OPCML: variants seen among roughly 807,000 people sequenced by gnomAD.
OPCML encodes the protein opioid binding protein/cell adhesion molecule like.
A neutral mutation model predicts 37.8 loss-of-function variants in OPCML; 13 were observed. The observed-to-expected ratio is 0.34, with a 90% CI of 0.22 to 0.55. The LOEUF (loss-of-function observed/expected upper bound fraction) is 0.55. Ranked by LOEUF, OPCML falls within the 20% of genes least tolerant of loss-of-function variation. The pLI is 0.91. For missense variants in OPCML, 341 were observed against 435.6 expected, an observed-to-expected ratio of 0.78 and a Z score of 1.93; for synonymous variants, 176 against 168.8, an observed-to-expected ratio of 1.04 and a Z score of -0.33.
At chr11:133,224,422 T>C (rs1024150068) in intron 1 of OPCML, among the ~76,000 whole-genome samples, 1 of 152,202 alleles carries the variant, frequency 6.6e-6, no homozygotes, top group African/African-American at 2.4e-5. Flanking sequence ...GTTCCGCTGT[T>C]CTTCAGCCTG....
chr11:132,879,370 C>G (rs1411526217), intron 2 of OPCML, among the ~76,000 whole-genome samples: 1 of 152,132 alleles, frequency 6.6e-6, no homozygotes, highest in Non-Finnish European at 1.5e-5. Flanking sequence ...TGACCTACCT[C>G]ACAGTTTTTC....
intron 3 of OPCML, among the ~76,000 whole-genome samples, chr11:132,534,475 C>T (rs546210769): frequency 1.1e-3 from 171 of 152,224 alleles, no homozygotes; most frequent in African/African-American, 4.0e-3. Context: ...TTTACTCAAA[C>T]GATTGTGTAC....
chr11:132,700,823 T>C (rs190128005), intron 2 of OPCML, among the ~76,000 whole-genome samples: 1 of 152,172 alleles, frequency 6.6e-6, no homozygotes, highest in African/African-American at 2.4e-5. Flanking sequence ...GTTGTTAAAG[T>C]GCATATTTCC....
chr11:132,770,563 C>T (rs1946602963), intron 2 of OPCML, among the ~76,000 whole-genome samples: 1 of 152,102 alleles, frequency 6.6e-6, no homozygotes. Flanking sequence ...ACTAATTTCC[C>T]ACCTGATTTT....
Position 132,437,189 on chromosome 11 carries a change from T to C in OPCML, c.643+33A>G, listed in dbSNP as rs1555121406. 6 of 1,605,176 alleles carry C rather than the reference T, an allele frequency of 3.7e-6. No individual in the cohort carries two copies. The Admixed American group carries it at 1.0e-4, about 27-fold the overall frequency. On this transcript the variant is annotated intron_variant, in intron 5 of 7. Transcript: ENST00000524381. ...TCCACCTACTCCCTGTGCCGTCTTT[T>C]CCCCAGAACCCCCTGGCTGCAGGTC...
At chr11:133,038,538 GTTA>G (rs1947826682) in intron 1 of OPCML, among the ~76,000 whole-genome samples, 2 of 152,204 alleles carry the variant, frequency 1.3e-5, no homozygotes, top group South Asian at 4.1e-4. Context: ...CTAAAATTGA[GTTA>G]TTATATAATG....
chr11:132,696,184 T>C lies in OPCML; in HGVS notation c.147-38865A>G, dbSNP rs989824762. Among the ~76,000 whole-genome samples, 5 of 152,332 alleles carry C rather than the reference T, an allele frequency of 3.3e-5. No homozygotes were observed. In the East Asian group the frequency reaches 9.6e-4, roughly 29 times the overall value. On this transcript the variant is annotated intron_variant, in intron 2 of 7. Coordinates refer to ENST00000524381, the MANE Select transcript of OPCML (RefSeq NM_001012393.5). Reference sequence around the variant, plus strand: ...TGCCCGACCCTAAAGTTTATTTCCATGTCTGTGTTAAGAAATGTGCCACCT... The same window carrying C: ...TGCCCGACCCTAAAGTTTATTTCCACGTCTGTGTTAAGAAATGTGCCACCT...
chr11:133,475,244 G>A (rs1447671626), intron 1 of OPCML, among the ~76,000 whole-genome samples: 1 of 145,122 alleles, frequency 6.9e-6, no homozygotes, highest in Non-Finnish European at 1.5e-5. Flanking sequence ...TGTTGTTGTT[G>A]TTTTGCCACC....
chr11:133,322,322 G>A (rs1199825732), intron 1 of OPCML, among the ~76,000 whole-genome samples: 1 of 152,216 alleles, frequency 6.6e-6, no homozygotes, highest in African/African-American at 2.4e-5. Flanking sequence ...ACATATCATG[G>A]TTGGATTATA....
intron 2 of OPCML, among the ~76,000 whole-genome samples, chr11:132,734,996 C>A (rs921505231): frequency 1.3e-5 from 2 of 152,134 alleles, no homozygotes; most frequent in South Asian, 4.1e-4. Flanking sequence ...AGTACAAAAT[C>A]TATCTAACTA....
chr11:132,622,199 C>T (rs562691544), intron 3 of OPCML, among the ~76,000 whole-genome samples: 3 of 151,378 alleles, frequency 2.0e-5, no homozygotes, highest in South Asian at 4.2e-4. Flanking sequence ...AGCTTTAGTC[C>T]GGCAGTAAAG....
At chr11:133,148,404 G>T (rs909953232) in intron 1 of OPCML, among the ~76,000 whole-genome samples, 4 of 152,322 alleles carry the variant, frequency 2.6e-5, no homozygotes, top group African/African-American at 7.2e-5. Context: ...CCAGATATCT[G>T]CTTCTTACTG....
chr11:132,444,049 G>A (rs184804120), intron 4 of OPCML, among the ~76,000 whole-genome samples: 1 of 152,336 alleles, frequency 6.6e-6, no homozygotes, highest in African/African-American at 2.4e-5. Context: ...CAGGCTCAAA[G>A]TGGACCCGAG....
chr11:132,473,286 A>C (rs2096143841), intron 4 of OPCML, among the ~76,000 whole-genome samples: 1 of 152,228 alleles, frequency 6.6e-6, no homozygotes, highest in African/African-American at 2.4e-5. Context: ...CAATTGAAGG[A>C]CAGAAAAAGA....
chr11:132,530,646 C>T lies in OPCML; in HGVS notation c.380-1460G>A, dbSNP rs1311288032. ...CACCGATGAACCTCATCTCAGGCCC[C>T]GTTTCCTCTAACACAGCACATGGCA... On this transcript the variant is annotated intron_variant, in intron 3 of 7. Coordinates refer to ENST00000524381, the MANE Select transcript of OPCML (RefSeq NM_001012393.5). 2.7e-5 allele frequency among the ~76,000 whole-genome samples: 4 copies of T among 150,860 alleles called. 1 individual carries two copies. The highest frequency in any genetic ancestry group is 4.4e-5 in the Non-Finnish European group (3 of 67,720).
At chr11:132,996,618 C>CA (rs11285711) in intron 1 of OPCML, among the ~76,000 whole-genome samples, 23,265 of 123,126 alleles carry the variant, frequency 0.19, 2,127 homozygotes, top group Admixed American at 0.31. Flanking sequence ...GGCTCCATCT[C>CA]AAAAAAAAAA....
At chr11:133,502,632 G>T (rs1336345876) in intron 1 of OPCML, among the ~76,000 whole-genome samples, 1 of 152,216 alleles carries the variant, frequency 6.6e-6, no homozygotes, top group South Asian at 2.1e-4. Flanking sequence ...AAATGATCAC[G>T]ATTTTCAGGG....
chr11:133,312,535 G>T (rs184056842), intron 1 of OPCML, among the ~76,000 whole-genome samples: 6 of 152,244 alleles, frequency 3.9e-5, no homozygotes, highest in Admixed American at 2.6e-4. Flanking sequence ...TCTTCCCTTT[G>T]CTCAGCCTGT....
At chr11:133,305,118 T>G (rs556814873) in intron 1 of OPCML, among the ~76,000 whole-genome samples, 1 of 152,316 alleles carries the variant, frequency 6.6e-6, no homozygotes, top group Non-Finnish European at 1.5e-5. Flanking sequence ...CTTTCTCCTA[T>G]TCCTATCAAA....
Sources: gnomAD v4.1 joint callset for allele counts (sites outside exome capture counted in the v4.1 genomes callset) on GRCh38, gnomAD v4.1.1 for gene constraint, MANE v1.5 for transcripts, NCBI Gene and HGNC (gene_info 2026-07-23, HGNC 2026-07-21) for gene names.